ADGRF5: variants seen among roughly 807,000 people sequenced by gnomAD.
The protein encoded by ADGRF5 is adhesion G protein-coupled receptor F5.
ADGRF5 carries 75 observed loss-of-function variants against 132.3 expected under a neutral mutation model. That is an observed-to-expected ratio of 0.57 (90% CI 0.47 to 0.69). The LOEUF is 0.69. Among genes scored for constraint, ADGRF5 ranks in the 30% least tolerant of loss-of-function variants. ADGRF5 has a pLI of 0.00. For missense variants in ADGRF5, 1,516 were observed against 1,630.6 expected (o/e 0.93, Z 1.21); for synonymous variants, 629 against 597.6 (o/e 1.05, Z -0.77).
chr6:46,940,624 C>T (rs1427720640), intron 1 of ADGRF5, among the ~76,000 whole-genome samples: 1 of 152,178 alleles, frequency 6.6e-6, no homozygotes, highest in Non-Finnish European at 1.5e-5. Context: ...TGCTAAAAAG[C>T]CACAGCTCTG....
At chr6:46,948,295 T>G (rs1778371955) in intron 1 of ADGRF5, among the ~76,000 whole-genome samples, 1 of 152,334 alleles carries the variant, frequency 6.6e-6, no homozygotes, top group South Asian at 2.1e-4. Context: ...ATGCAAAAAC[T>G]TAAGCAAAAG....
chr6:46,868,947 C>T lies in ADGRF5; in HGVS notation c.1557G>A (p.Thr519=), dbSNP rs370837243. The part of the protein sequence containing the change: ...GIKIYQRFYT[T]RRYLDGAESV... ...ATTCTGCTCCATCAAGATACCTCCT[C>T]GTGGTATAAAATCTTTGGTATATTT... is the stretch of plus-strand genomic sequence containing the variant. The change falls in exon 12 of 21, where the codon ACG becomes ACA. Residue 519 remains threonine, a synonymous_variant. Transcript: ENST00000283296. The T allele has an allele frequency of 1.1e-5, 18 of 1,613,010 alleles. No homozygotes were observed. In the African/African-American group the frequency reaches 1.7e-4, roughly 16 times the overall value.
Position 46,878,083 on chromosome 6 carries a change from T to C in ADGRF5, c.1240+119A>G. The C allele has an allele frequency of 4.2e-6, 3 of 711,972 alleles. 1 individual carries two copies. In the South Asian group the frequency reaches 5.2e-5, roughly 12 times the overall value. 44.1% of individuals were successfully genotyped at this position (711,972 alleles called of 1,614,324 possible). ...CATCAAACCTAATGCCTTTTCACAG[T>C]CTGAAATCCAGAAAATAACAGCCAT... On this transcript the variant is annotated intron_variant, in intron 10 of 20. Coordinates refer to ENST00000283296, the MANE Select transcript of ADGRF5 (RefSeq NM_001098518.2).
chr6:46,923,107 A>G (rs867290774), upstream of ADGRF5, among the ~76,000 whole-genome samples: 4 of 152,058 alleles, frequency 2.6e-5, no homozygotes, highest in Non-Finnish European at 5.9e-5. Flanking sequence ...TTGTATTTTT[A>G]ATAGAGACAG....
At chr6:46,884,772 C>T (rs1772875026) in intron 4 of ADGRF5, among the ~76,000 whole-genome samples, 2 of 152,166 alleles carry the variant, frequency 1.3e-5, no homozygotes, top group South Asian at 4.1e-4. Context: ...CTCTTTCTCC[C>T]CTCACTCTGG....
Position 46,869,423 on chromosome 6 carries a change from T to C in ADGRF5, c.1412-331A>G, listed in dbSNP as rs370795688. On this transcript the variant is annotated intron_variant, in intron 11 of 20. Transcript: ENST00000283296. ...TTAGGGGTGTCGCCTTATCCCACGC[T>C]CCCCTCCAACCTCCTCTGTAACACC... The C allele has an allele frequency of 9.2e-6, 9 of 982,854 alleles. No individual in the cohort carries two copies. In the South Asian group the frequency reaches 3.8e-4, roughly 41 times the overall value. The allele number at this position is 982,854 out of a possible 1,614,324, so 60.9% of individuals were successfully genotyped here.
chr6:46,884,535 G>T (rs1421567271), intron 4 of ADGRF5, among the ~76,000 whole-genome samples: 3 of 152,188 alleles, frequency 2.0e-5, no homozygotes, highest in Non-Finnish European at 4.4e-5. Flanking sequence ...ATGCCTAATA[G>T]CTAATAGCCA....
In ADGRF5 at chr6:46,854,458, C is replaced by T. The variant is rs572754512; in HGVS notation, c.3962-387G>A. On this transcript the variant is annotated intron_variant, in intron 20 of 20. Transcript: ENST00000283296. ...ACTTGGGGAAGCTCTTGGGAGGCAC[C>T]TAGAGGCTCTACTGAAGGTGGAGGT... 1.4e-3 allele frequency among the ~76,000 whole-genome samples: 219 copies of T among 152,116 alleles called. 1 individual carries two copies. Among genetic ancestry groups the T allele is most frequent in the African/African-American group, 5.2e-3 (215 of 41,496 alleles).
intron 1 of ADGRF5, among the ~76,000 whole-genome samples, chr6:46,943,807 A>G (rs1442035736): frequency 6.6e-6 from 1 of 151,822 alleles, no homozygotes; most frequent in Non-Finnish European, 1.5e-5. Flanking sequence ...CTGCTGAAAC[A>G]TAAATGAAAG....
chr6:46,889,451 A>G (rs1306071071), intron 3 of ADGRF5, among the ~76,000 whole-genome samples: 1 of 147,148 alleles, frequency 6.8e-6, no homozygotes, highest in Non-Finnish European at 1.5e-5. Context: ...TATAGTATAT[A>G]TACTAAAGTC....
At chr6:46,857,509 C>T (rs148960524) in intron 17 of ADGRF5, among the ~76,000 whole-genome samples, 171 of 152,340 alleles carry the variant, frequency 1.1e-3, no homozygotes, top group African/African-American at 3.4e-3. Flanking sequence ...TAAAGGCTTG[C>T]TATCTATACC....
chr6:46,948,204 CAAAT>C (rs1380763420), intron 1 of ADGRF5, among the ~76,000 whole-genome samples: 4 of 152,128 alleles, frequency 2.6e-5, no homozygotes, highest in African/African-American at 4.8e-5. Context: ...GCAAAACAAA[CAAAT>C]AAAACCCCTG....
intron 3 of ADGRF5, among the ~76,000 whole-genome samples, chr6:46,898,606 A>G (rs1205010894): frequency 2.0e-5 from 3 of 152,184 alleles, no homozygotes; most frequent in Non-Finnish European, 2.9e-5. Context: ...ATGATCTTCC[A>G]AATAGTATTT....
At chr6:46,913,409 G>A (rs2396801) in intron 1 of ADGRF5, among the ~76,000 whole-genome samples, 1,783 of 152,122 alleles carry the variant, frequency 0.012, 23 homozygotes, top group Non-Finnish European at 0.018. Flanking sequence ...TGAGGCAGGA[G>A]AATTGCTTCA....
chr6:46,921,208 A>G (rs1232347690), intron 1 of ADGRF5, among the ~76,000 whole-genome samples: 1 of 152,112 alleles, frequency 6.6e-6, no homozygotes, highest in African/African-American at 2.4e-5. Context: ...TACATTTCTA[A>G]GGTCATCCCT....
intron 3 of ADGRF5, among the ~76,000 whole-genome samples, chr6:46,898,932 A>G (rs561861955): frequency 2.6e-5 from 4 of 152,366 alleles, no homozygotes; most frequent in African/African-American, 9.6e-5. Context: ...TGCTTCATCT[A>G]TTCGCTCACT....
intron 3 of ADGRF5, among the ~76,000 whole-genome samples, chr6:46,889,744 T>C (rs1348095770): frequency 1.4e-5 from 2 of 142,672 alleles, no homozygotes; most frequent in Non-Finnish European, 1.5e-5. Context: ...TTATATATTA[T>C]ATATAAACAC....
chr6:46,936,533 T>A (rs980975999), intron 1 of ADGRF5, among the ~76,000 whole-genome samples: 20 of 152,308 alleles, frequency 1.3e-4, no homozygotes, highest in African/African-American at 4.8e-4. Context: ...TCTTTCGACA[T>A]CTCTCTCTTT....
chr6:46,884,685 G>A (rs189171180), intron 4 of ADGRF5, among the ~76,000 whole-genome samples: 1 of 152,320 alleles, frequency 6.6e-6, no homozygotes, highest in Non-Finnish European at 1.5e-5. Flanking sequence ...ACAGAATAAG[G>A]TAGAGGTGAT....
Sources: allele counts gnomAD v4.1 joint callset (sites outside exome capture counted in the v4.1 genomes callset), GRCh38; gene constraint gnomAD v4.1.1; transcripts MANE v1.5; gene names NCBI Gene and HGNC (gene_info 2026-07-23, HGNC 2026-07-21).